Variants in DNAAF9 observed in about 807,000 individuals in gnomAD.
DNAAF9 encodes the protein dynein axonemal assembly factor 9.
DNAAF9 carries 90 observed loss-of-function variants against 167.0 expected under a neutral mutation model. That is an observed-to-expected ratio of 0.54 (90% CI 0.45 to 0.64). The LOEUF (loss-of-function observed/expected upper bound fraction) is 0.64, where lower values mean the gene tolerates loss of function less well. DNAAF9 is among the 30% of genes least tolerant of loss of function. The pLI, the probability that DNAAF9 is intolerant of heterozygous loss-of-function variation, is 0.00. For synonymous variants in DNAAF9, 491 were observed against 508.8 expected (o/e 0.96, Z 0.47); for missense variants, 1,315 against 1,442.2 (o/e 0.91, Z 1.43).
intron 33 of DNAAF9, among the ~76,000 whole-genome samples, chr20:3,259,259 G>C (rs1484156608): frequency 2.6e-5 from 4 of 152,232 alleles, no homozygotes; most frequent in Admixed American, 2.6e-4. Flanking sequence ...AGGCGAGGAG[G>C]GCAAACCTCT....
Position 3,404,665 on chromosome 20 carries a change from G to T in DNAAF9, c.83+2810C>A, listed in dbSNP as rs149644792. Among the ~76,000 whole-genome samples the T allele has an allele frequency of 2.7e-3, 406 of 152,252 alleles. 2 individuals are homozygous for T. Among genetic ancestry groups the T allele is most frequent in the African/African-American group, 9.2e-3 (384 of 41,552 alleles). ...ACAAAAGAGTTATTTGAGGGCAGGGGACTGCTGTATTTATCTGACTCTACA... is the reference window on the plus strand; with the variant it reads ...ACAAAAGAGTTATTTGAGGGCAGGGTACTGCTGTATTTATCTGACTCTACA... On this transcript the variant is annotated intron_variant, in intron 1 of 36. Transcript: ENST00000252032.
At chr20:3,288,317 G>A (rs1317908192) in intron 26 of DNAAF9, among the ~76,000 whole-genome samples, 1 of 152,200 alleles carries the variant, frequency 6.6e-6, no homozygotes, top group Non-Finnish European at 1.5e-5. Context: ...GGGCTTGGTG[G>A]CGCATGCCTG....
intron 23 of DNAAF9, 22 bp from the exon 24 acceptor site, chr20:3,294,651 G>C: frequency 6.8e-7 from 1 of 1,473,248 alleles, no homozygotes; most frequent in Non-Finnish European, 9.5e-7. Context: ...AAAGCTCACA[G>C]ATTAGAAGTC....
chr20:3,362,487 A>G (rs772531888), intron 6 of DNAAF9, among the ~76,000 whole-genome samples: 5 of 150,452 alleles, frequency 3.3e-5, no homozygotes, highest in African/African-American at 7.5e-5. Context: ...TCACCTGTAT[A>G]ATTTTTTTTT....
chr20:3,323,993 A>G (rs1600785151), intron 14 of DNAAF9, among the ~76,000 whole-genome samples: 2 of 152,218 alleles, frequency 1.3e-5, no homozygotes, highest in South Asian at 2.1e-4. Context: ...ACAGGGCAGC[A>G]CAAGGTCTTA....
chr20:3,340,454 C>CCCCCCCCCCAAA, intron 10 of DNAAF9, 50 bp downstream of exon 10: 1 of 1,053,078 alleles, frequency 9.5e-7, no homozygotes, highest in Non-Finnish European at 1.3e-6. Context: ...ACCCCACCCC[C>CCCCCCCCCCAAA]ACAACTTGAT....
intron 22 of DNAAF9, 130 bp downstream of exon 22, chr20:3,297,899 C>G (rs75795604): frequency 0.031 from 22,495 of 735,352 alleles, 517 homozygotes; most frequent in African/African-American, 0.095. Flanking sequence ...GCAGTCACCC[C>G]ACACCATCCA....
At chr20:3,333,329 GAAT>G (rs140095078) in intron 10 of DNAAF9, among the ~76,000 whole-genome samples, 3,866 of 152,226 alleles carry the variant, frequency 0.025, 70 homozygotes, top group African/African-American at 0.041. Flanking sequence ...AGGGTTCCTA[GAAT>G]AATAGGTATA....
chr20:3,381,423 G>A lies in DNAAF9; in HGVS notation c.239C>T (p.Thr80Ile). The change falls in exon 3 of 37, where the codon ACC becomes ATC. Residue 80 changes from threonine (T) to isoleucine (I), a missense_variant. Physicochemically the swap from Thr to Ile is moderately conservative, Grantham distance 89 (BLOSUM62 -1). Around this residue, in one of 2 missense-constraint regions of DNAAF9, gnomAD observed 981 missense variants for 1,012.5 expected, o/e 0.97. Transcript: ENST00000252032. ...YLLFGLYNQN[T>I]SDFEKTGFSE... ...AAATCCCGTTTTCTCAAAATCACTG[G>A]TATTCTGATTGTACAAACCAAATAG... 6 of 1,611,248 alleles carry A rather than the reference G, an allele frequency of 3.7e-6. No homozygotes were observed. Among genetic ancestry groups the A allele is most frequent in the Non-Finnish European group, 5.1e-6 (6 of 1,177,666 alleles).
At chr20:3,273,576 T>A (rs1020480550) in intron 29 of DNAAF9, among the ~76,000 whole-genome samples, 1 of 140,546 alleles carries the variant, frequency 7.1e-6, no homozygotes, top group African/African-American at 2.7e-5. Context: ...GCCACACTCC[T>A]TTAAACAGCC....
intron 1 of DNAAF9, among the ~76,000 whole-genome samples, chr20:3,383,545 G>A (rs142843098): frequency 2.8e-3 from 432 of 151,896 alleles, no homozygotes; most frequent in African/African-American, 9.9e-3. Context: ...GAGCCACCGC[G>A]CCCAGCTTCC....
chr20:3,309,330 A>G (rs1488052730), intron 20 of DNAAF9, among the ~76,000 whole-genome samples: 1 of 152,258 alleles, frequency 6.6e-6, no homozygotes, highest in East Asian at 1.9e-4. Context: ...GCCTTTTAGT[A>G]TAGTGTTATA....
intron 9 of DNAAF9, among the ~76,000 whole-genome samples, chr20:3,342,337 T>C (rs2070102963): frequency 6.6e-6 from 1 of 152,232 alleles, no homozygotes; most frequent in East Asian, 1.9e-4. Flanking sequence ...ACTATGCTCT[T>C]TTCTCCTTCA....
At chr20:3,324,044 G>A (rs1424532428) in intron 14 of DNAAF9, among the ~76,000 whole-genome samples, 6 of 152,146 alleles carry the variant, frequency 3.9e-5, no homozygotes, top group African/African-American at 1.4e-4. Flanking sequence ...TCATGGCCAG[G>A]GCAGCAAGAT....
intron 8 of DNAAF9, among the ~76,000 whole-genome samples, chr20:3,346,987 A>C (rs757990375): frequency 3.5e-4 from 54 of 152,164 alleles, no homozygotes; most frequent in Non-Finnish European, 2.4e-4. Flanking sequence ...AACTTAAAGG[A>C]AACTATAAAT....
intron 31 of DNAAF9, among the ~76,000 whole-genome samples, chr20:3,261,804 A>AGTC (rs551013661): frequency 1.5e-4 from 20 of 130,180 alleles, no homozygotes; most frequent in Admixed American, 7.5e-4. Context: ...CATCCAAACA[A>AGTC]GTCATTTTGG....
intron 30 of DNAAF9, among the ~76,000 whole-genome samples, chr20:3,268,501 G>T (rs897601964): frequency 5.3e-5 from 8 of 152,062 alleles, no homozygotes; most frequent in Non-Finnish European, 1.5e-5. Flanking sequence ...GCTAAGTTTT[G>T]TATTTTTAGT....
chr20:3,385,089 C>T (rs1417197361), intron 1 of DNAAF9, among the ~76,000 whole-genome samples: 1 of 151,896 alleles, frequency 6.6e-6, no homozygotes, highest in East Asian at 1.9e-4. Context: ...ATTTAAAAAA[C>T]CCACCAAGCA....
intron 13 of DNAAF9, among the ~76,000 whole-genome samples, chr20:3,325,438 G>A (rs1233061509): frequency 6.6e-6 from 1 of 152,218 alleles, no homozygotes; most frequent in African/African-American, 2.4e-5. Context: ...ACACCCCACT[G>A]CTTTGGATAA....
Sources: allele counts gnomAD v4.1 joint callset (sites outside exome capture counted in the v4.1 genomes callset), GRCh38; gene constraint gnomAD v4.1.1; regional missense constraint gnomAD v4.1.1; transcripts MANE v1.5; gene names NCBI Gene and HGNC (gene_info 2026-07-23, HGNC 2026-07-21).